Variants in FAM222A observed in about 807,000 individuals in gnomAD.
FAM222A encodes family with sequence similarity 222 member A.
Under a neutral mutation model 25.8 loss-of-function variants are expected in FAM222A, and 7 were observed. The ratio of observed to expected loss-of-function variants is 0.27; its 90% confidence interval spans 0.15 to 0.51. FAM222A has a LOEUF of 0.51. Ranked by LOEUF, FAM222A falls within the 20% of genes least tolerant of loss-of-function variation. The pLI, the probability that FAM222A is intolerant of heterozygous loss-of-function variation, is 0.97. For missense variants in FAM222A, 573 were observed against 640.5 expected (o/e 0.89, Z 1.14); for synonymous variants, 294 against 298.8 (o/e 0.98, Z 0.17).
intron 1 of FAM222A, chr12:109,720,043 G>C (rs1464619974): frequency 2.1e-6 from 2 of 963,558 alleles, no homozygotes; most frequent in Non-Finnish European, 2.5e-6. Context: ...TCATGGGCTT[G>C]TGGGTGGGGT....
At chr12:109,723,212 A>G (rs1255308893) in intron 1 of FAM222A, among the ~76,000 whole-genome samples, 1 of 152,124 alleles carries the variant, frequency 6.6e-6, no homozygotes, top group Non-Finnish European at 1.5e-5. Flanking sequence ...AGCCCTCTGA[A>G]AAGGTTCCCA....
At chr12:109,722,766 G>A (rs552243402) in intron 1 of FAM222A, 1 of 152,390 alleles carries the variant, frequency 6.6e-6, no homozygotes, top group Admixed American at 6.5e-5. Flanking sequence ...AGCGCTTGGG[G>A]GGATGAAAGA....
chr12:109,737,817 G>A (rs567777204), intron 1 of FAM222A, among the ~76,000 whole-genome samples: 5 of 152,100 alleles, frequency 3.3e-5, no homozygotes, highest in Non-Finnish European at 5.9e-5. Flanking sequence ...CTGCCTAGCC[G>A]CAGCTCAAAT....
intron 2 of FAM222A, among the ~76,000 whole-genome samples, chr12:109,766,411 C>A (rs918687610): frequency 6.6e-6 from 1 of 152,228 alleles, no homozygotes; most frequent in African/African-American, 2.4e-5. Context: ...ACAGAGCGTA[C>A]CCTTCAGCCC....
At position 109,713,944 on chromosome 12, in the gene FAM222A, G is replaced by A. The variant is rs1887584294; in HGVS notation, c.-1000G>A. 6.8e-6 allele frequency among the ~76,000 whole-genome samples: 1 copy of A among 146,222 alleles called. No homozygotes were observed. The highest frequency in any genetic ancestry group is 2.5e-5 in the African/African-American group (1 of 40,758). ...CCGGCGCCTGTGGGGCGCGGCGCGC[G>A]GCACCCGGGCCTGAGACCAGGCGAG... On this transcript the variant is annotated 5_prime_UTR_variant, in exon 1 of 3. Coordinates refer to ENST00000538780, the MANE Select transcript of FAM222A (RefSeq NM_032829.3).
rs200220792 is a variant in FAM222A, at chr12:109,744,182, G to A, written c.36G>A (p.Pro12=). 53 of 1,613,424 alleles carry A rather than the reference G, an allele frequency of 3.3e-5. No homozygotes were observed. The African/African-American group carries it at 3.9e-4, about 12-fold the overall frequency. Residue 12 remains proline, a synonymous_variant, in exon 2 of 3, where the codon CCG becomes CCA. Coordinates refer to ENST00000538780, the MANE Select transcript of FAM222A (RefSeq NM_032829.3). Reference sequence around the variant, plus strand: ...GTCTGCAGAGGACCCAGAACGCCCCGGGCCAACACCTGGCCTGCCCGAGCA... The same window carrying A: ...GTCTGCAGAGGACCCAGAACGCCCCAGGCCAACACCTGGCCTGCCCGAGCA... ...LACLQRTQNA[P]GQHLACPSKS...
chr12:109,753,364 C>T (rs1250876784), intron 2 of FAM222A, among the ~76,000 whole-genome samples: 1 of 152,166 alleles, frequency 6.6e-6, no homozygotes, highest in South Asian at 2.1e-4. Flanking sequence ...CCCCATGAAC[C>T]CCTAGGGCAC....
chr12:109,769,316 C>G lies in FAM222A; in HGVS notation c.*28C>G, dbSNP rs748470704. The G allele has an allele frequency of 1.3e-6, 2 of 1,568,254 alleles. No homozygotes were observed. The highest frequency in any genetic ancestry group is 1.2e-5 in the South Asian group (1 of 84,380). ...CCTGCCCTGCGGACATACGGACATG[C>G]GGACAGGGCGCAGAGCCGGGAGGCA... On this transcript the variant is annotated 3_prime_UTR_variant, in exon 3 of 3. Transcript: ENST00000538780.
Position 109,768,495 on chromosome 12 carries a change from T to C in FAM222A, c.566T>C (p.Leu189Pro), listed in dbSNP as rs1889131201. ...ASVIPLPGRG[L>P]PLPPSNLPSI... is the part of the protein sequence containing the mutation. ...GTCATCCCCCTGCCGGGCCGGGGCCTGCCCCTGCCACCTTCCAACCTGCCC... is the reference window on the plus strand; with the variant it reads ...GTCATCCCCCTGCCGGGCCGGGGCCCGCCCCTGCCACCTTCCAACCTGCCC... Residue 189 changes from leucine (L) to proline (P), a missense_variant, in exon 3 of 3, where the codon CTG becomes CCG. By Grantham distance (98) the Leu-to-Pro change is moderately conservative (BLOSUM62 -3). Coordinates refer to ENST00000538780, the MANE Select transcript of FAM222A (RefSeq NM_032829.3). 6.2e-7 allele frequency: 1 copy of C among 1,604,942 alleles called. No individual in the cohort carries two copies.
intron 1 of FAM222A, among the ~76,000 whole-genome samples, chr12:109,736,755 A>G (rs769739317): frequency 5.9e-5 from 9 of 152,116 alleles, no homozygotes; most frequent in Non-Finnish European, 1.3e-4. Flanking sequence ...GTCAGTTCCC[A>G]TGGCGACTGA....
chr12:109,756,601 A>G (rs558711531), intron 2 of FAM222A, among the ~76,000 whole-genome samples: 34 of 152,298 alleles, frequency 2.2e-4, no homozygotes, highest in Non-Finnish European at 4.3e-4. Flanking sequence ...CTCTGTGTCT[A>G]TTGGGATGAA....
At chr12:109,736,058 C>G (rs1220658899) in intron 1 of FAM222A, 1 of 152,386 alleles carries the variant, frequency 6.6e-6, no homozygotes, top group East Asian at 1.9e-4. Flanking sequence ...CTCTGAGTCC[C>G]TGTCCTGAAC....
intron 1 of FAM222A, among the ~76,000 whole-genome samples, chr12:109,732,671 A>C (rs1887975421): frequency 6.6e-6 from 1 of 152,168 alleles, no homozygotes; most frequent in Non-Finnish European, 1.5e-5. Context: ...CCCACTTTTC[A>C]GAAGGAGGGG....
chr12:109,731,841 C>T (rs1020468033), intron 1 of FAM222A, among the ~76,000 whole-genome samples: 1 of 152,184 alleles, frequency 6.6e-6, no homozygotes, highest in African/African-American at 2.4e-5. Flanking sequence ...ACTGTGAACC[C>T]TGGACCATGC....
chr12:109,736,134 C>T (rs1177735781), intron 1 of FAM222A, among the ~76,000 whole-genome samples: 1 of 152,230 alleles, frequency 6.6e-6, no homozygotes, highest in African/African-American at 2.4e-5. Context: ...CCTGGCCCTG[C>T]ATAGGTGAGG....
Position 109,769,355 on chromosome 12 carries a change from G to A in FAM222A, c.*67G>A. 1 of 1,487,264 alleles carries A rather than the reference G, an allele frequency of 6.7e-7. No individual in the cohort carries two copies. The highest frequency in any genetic ancestry group is 9.0e-7 in the Non-Finnish European group (1 of 1,113,038). 92.1% of individuals were successfully genotyped at this position (1,487,264 alleles called of 1,614,324 possible). A position where few individuals can be genotyped will look rare whatever the true frequency, so the allele number is the denominator to read the frequency against. ...AGCCGGGAGGCAGGCCGCAGAACAG[G>A]GTGGGCGGCTCGCAGGGGCGCTCAG... is the stretch of plus-strand genomic sequence containing the variant. On this transcript the variant is annotated 3_prime_UTR_variant, in exon 3 of 3. Transcript: ENST00000538780.
intron 2 of FAM222A, 95 bp from the exon 3 acceptor site, chr12:109,767,917 T>C (rs974595712): frequency 1.4e-5 from 17 of 1,237,244 alleles, no homozygotes; most frequent in South Asian, 3.0e-5. Context: ...GTAAAATGAA[T>C]GGGAAATGAG....
chr12:109,767,951 C>A lies in FAM222A; in HGVS notation c.83-61C>A, dbSNP rs546899892. 1.4e-5 allele frequency: 21 copies of A among 1,530,376 alleles called. No individual in the cohort carries two copies. The South Asian group carries it at 2.0e-4, about 15-fold the overall frequency. The allele number at this position is 1,530,376 out of a possible 1,614,324, so 94.8% of individuals were successfully genotyped here. On this transcript the variant is annotated intron_variant, in intron 2 of 2. Transcript: ENST00000538780. The stretch of plus-strand genomic sequence containing the variant: ...AGTGGAGGGGGCGGGACTCGTGAGC[C>A]CTGTGGGGAGAGGTTGGCATGGCCT...
intron 1 of FAM222A, among the ~76,000 whole-genome samples, chr12:109,721,542 G>A (rs1244899830): frequency 2.0e-5 from 3 of 152,144 alleles, no homozygotes; most frequent in East Asian, 1.9e-4. Flanking sequence ...GGCAGGCAGC[G>A]CCAATCAATC....
Sources: gnomAD v4.1 joint callset for allele counts (sites outside exome capture counted in the v4.1 genomes callset) on GRCh38, gnomAD v4.1.1 for gene constraint, MANE v1.5 for transcripts, NCBI Gene and HGNC (gene_info 2026-07-23, HGNC 2026-07-21) for gene names.